NAA35: variants seen among roughly 807,000 people sequenced by gnomAD.
NAA35 encodes the protein MAK10 homolog, amino-acid N-acetyltransferase subunit.
Under a neutral mutation model 101.7 loss-of-function variants are expected in NAA35, and 18 were observed. The observed-to-expected ratio is 0.18, with a 90% CI of 0.12 to 0.26. The LOEUF (loss-of-function observed/expected upper bound fraction) is 0.26. Ranked by LOEUF, NAA35 falls within the 10% of genes least tolerant of loss-of-function variation. The pLI, the probability that NAA35 is intolerant of heterozygous loss-of-function variation, is 1.00. For missense variants in NAA35, 601 were observed against 886.8 expected (o/e 0.68, Z 4.09); for synonymous variants, 267 against 273.1 (o/e 0.98, Z 0.22).
chr9:86,008,802 C>T (rs548079966), intron 14 of NAA35, among the ~76,000 whole-genome samples: 3 of 152,226 alleles, frequency 2.0e-5, no homozygotes, highest in Admixed American at 6.5e-5. Flanking sequence ...TCTTCTGAAG[C>T]GTTGATGAGT....
rs143720120 is a variant in NAA35, at chr9:85,978,034, A to G, written c.763-233A>G. ...TTTGGTTTTTATTGTGAAAAAAAAA[A>G]CCAAAAATATTTTCTATTATTTTAA... On this transcript the variant is annotated intron_variant, in intron 10 of 22. Coordinates refer to ENST00000361671, the MANE Select transcript of NAA35 (RefSeq NM_024635.4). Among the ~76,000 whole-genome samples, 791 of 152,006 alleles carry G rather than the reference A, an allele frequency of 5.2e-3. 4 individuals carry two copies. Among genetic ancestry groups the G allele is most frequent in the African/African-American group, 0.018 (756 of 41,494 alleles).
intron 20 of NAA35, 27 bp downstream of exon 20, chr9:86,018,422 G>A (rs1453866346): frequency 6.3e-7 from 1 of 1,597,266 alleles, no homozygotes; most frequent in Non-Finnish European, 8.6e-7. Flanking sequence ...AACTTGTTAT[G>A]AAATCTTTAG....
chr9:86,013,369 T>C (rs561571640), intron 16 of NAA35, among the ~76,000 whole-genome samples: 61 of 152,226 alleles, frequency 4.0e-4, no homozygotes, highest in African/African-American at 1.2e-3. Context: ...GAATAAATTA[T>C]GAAATATGTA....
chr9:85,975,294 C>G (rs1830163385), intron 8 of NAA35, 137 bp downstream of exon 8: 1 of 796,774 alleles, frequency 1.3e-6, no homozygotes, highest in Non-Finnish European at 1.9e-6. Context: ...AATTTGAACA[C>G]TGCTAGAGGA....
intron 6 of NAA35, among the ~76,000 whole-genome samples, chr9:85,971,329 C>A (rs555363234): frequency 1.2e-4 from 18 of 152,280 alleles, no homozygotes; most frequent in Admixed American, 1.0e-3. Context: ...CATCGTTAGA[C>A]CCGGTTGACA....
At position 85,942,749 on chromosome 9, in the gene NAA35, C is replaced by T. The variant is rs10120732; in HGVS notation, c.124+466C>T. On this transcript the variant is annotated intron_variant, in intron 2 of 22. Coordinates refer to ENST00000361671, the MANE Select transcript of NAA35 (RefSeq NM_024635.4). ...GGTTTCATTTATGTGCCACTGTCCCCGCCAGGCTTATTACATTCCAGTCAC... is the reference window on the plus strand; with the variant it reads ...GGTTTCATTTATGTGCCACTGTCCCTGCCAGGCTTATTACATTCCAGTCAC... Among the ~76,000 whole-genome samples the T allele has an allele frequency of 4.1e-3, 627 of 152,306 alleles. 5 individuals are homozygous for T. Among genetic ancestry groups the T allele is most frequent in the African/African-American group, 0.014 (573 of 41,572 alleles).
Position 86,021,836 on chromosome 9 carries a change from CTT to C in NAA35, c.2119-63_2119-62del, listed in dbSNP as rs80162799. ...CAAGAAACTCTAAAATAAAAATAGT[CTT>C]TGTTTTGTGTACCATCTGAATATTT... On this transcript the variant is annotated intron_variant, in intron 22 of 22. Coordinates refer to ENST00000361671, the MANE Select transcript of NAA35 (RefSeq NM_024635.4). The C allele has an allele frequency of 0.028, 35,349 of 1,272,596 alleles. 3,942 individuals are homozygous for C. In the East Asian group the frequency reaches 0.39, roughly 14 times the overall value. 78.8% of individuals were successfully genotyped at this position (1,272,596 alleles called of 1,614,324 possible).
Position 86,022,723 on chromosome 9 carries a change from A to C in NAA35, c.*763A>C, listed in dbSNP as rs573156463. On this transcript the variant is annotated 3_prime_UTR_variant, in exon 23 of 23. Transcript: ENST00000361671. Reference sequence around the variant, plus strand: ...CAGTTTAACCCATGAAACATTTTCAAATGGGTGTCTGTTCAGTATCCTCTG... The same window carrying C: ...CAGTTTAACCCATGAAACATTTTCACATGGGTGTCTGTTCAGTATCCTCTG... Among the ~76,000 whole-genome samples the C allele has an allele frequency of 3.3e-5, 5 of 152,308 alleles. No individual in the cohort carries two copies. Among genetic ancestry groups the C allele is most frequent in the African/African-American group, 9.6e-5 (4 of 41,556 alleles).
intron 2 of NAA35, among the ~76,000 whole-genome samples, chr9:85,947,677 A>G (rs961642780): frequency 3.3e-5 from 5 of 152,250 alleles, no homozygotes; most frequent in Non-Finnish European, 5.9e-5. Context: ...AGTACATGCC[A>G]GGTATACTGC....
chr9:85,994,282 T>C lies in NAA35; in HGVS notation c.878-2117T>C, dbSNP rs10120873. ...GTCTCCAGAACTTTATGTTCTAAAC[T>C]GGAACTCTACCCCTTAAACATGAAC... On this transcript the variant is annotated intron_variant, in intron 11 of 22. Coordinates refer to ENST00000361671, the MANE Select transcript of NAA35 (RefSeq NM_024635.4). Among the ~76,000 whole-genome samples, 604 of 152,312 alleles carry C rather than the reference T, an allele frequency of 4.0e-3. 5 individuals carry two copies. The highest frequency in any genetic ancestry group is 0.014 in the African/African-American group (571 of 41,560).
chr9:85,964,126 G>A (rs1009538058), intron 6 of NAA35, among the ~76,000 whole-genome samples: 2 of 139,770 alleles, frequency 1.4e-5, no homozygotes, highest in Non-Finnish European at 3.0e-5. Flanking sequence ...CCACTTCTTA[G>A]TCTTTTTTTT....
At chr9:85,978,411 T>G (rs752067635) in intron 11 of NAA35, 30 bp downstream of exon 11, 1 of 1,411,570 alleles carries the variant, frequency 7.1e-7, no homozygotes, top group African/African-American at 1.4e-5. Context: ...CTACTCTTTC[T>G]TTTCTTCGTT....
intron 2 of NAA35, among the ~76,000 whole-genome samples, chr9:85,942,521 T>C (rs1036372062): frequency 6.6e-6 from 1 of 152,200 alleles, no homozygotes; most frequent in African/African-American, 2.4e-5. Context: ...CTTTAACAGG[T>C]TAGAGAGAGC....
At chr9:85,987,860 A>C (rs560921717) in intron 11 of NAA35, among the ~76,000 whole-genome samples, 88 of 152,364 alleles carry the variant, frequency 5.8e-4, no homozygotes, top group Admixed American at 5.7e-3. Flanking sequence ...GAAGTTGACA[A>C]AACTTGAAGG....
At position 85,960,917 on chromosome 9, in the gene NAA35, T is replaced by C. The variant is rs17051509; in HGVS notation, c.348+1050T>C. Among the ~76,000 whole-genome samples the C allele has an allele frequency of 8.3e-3, 1,266 of 152,260 alleles. 21 individuals are homozygous for C. The highest frequency in any genetic ancestry group is 0.029 in the African/African-American group (1,220 of 41,524). On this transcript the variant is annotated intron_variant, in intron 5 of 22. Transcript: ENST00000361671. ...TTCATGGTTTAGTAGGCAAAGAGGG[T>C]ATATTGCATGGGCATGACAATGTGA...
At chr9:85,997,580 C>T (rs374607888) in intron 12 of NAA35, among the ~76,000 whole-genome samples, 12 of 152,050 alleles carry the variant, frequency 7.9e-5, no homozygotes, top group East Asian at 1.9e-4. Context: ...TGAACTCAAG[C>T]GATCCACCTG....
chr9:85,965,928 A>G (rs1829724704), intron 6 of NAA35, among the ~76,000 whole-genome samples: 1 of 152,096 alleles, frequency 6.6e-6, no homozygotes, highest in African/African-American at 2.4e-5. Context: ...GTTTTTTAGT[A>G]ACAGAAGAAA....
intron 11 of NAA35, among the ~76,000 whole-genome samples, chr9:85,995,157 T>A (rs558514886): frequency 3.0e-4 from 45 of 152,170 alleles, no homozygotes; most frequent in African/African-American, 1.1e-3. Flanking sequence ...CATAATGTTT[T>A]GAAAATATCA....
At chr9:86,006,303 G>A (rs978269967) in intron 13 of NAA35, among the ~76,000 whole-genome samples, 1 of 152,186 alleles carries the variant, frequency 6.6e-6, no homozygotes, top group African/African-American at 2.4e-5. Context: ...CACACTCCTA[G>A]TTGATTGCCT....
Sources: allele counts gnomAD v4.1 joint callset (sites outside exome capture counted in the v4.1 genomes callset), GRCh38; gene constraint gnomAD v4.1.1; transcripts MANE v1.5; gene names NCBI Gene and HGNC (gene_info 2026-07-23, HGNC 2026-07-21).